The following STMN2 variants were observed in gnomAD, a reference collection of about 807,000 sequenced individuals.
The protein encoded by STMN2 is stathmin 2.
STMN2 carries 2 observed loss-of-function variants against 24.1 expected under a neutral mutation model. That is an observed-to-expected ratio of 0.08 (90% CI 0.03 to 0.26). STMN2 has a LOEUF of 0.26. Ranked by LOEUF, STMN2 falls within the 10% of genes least tolerant of loss-of-function variation. The pLI, the probability that STMN2 is intolerant of heterozygous loss-of-function variation, is 1.00. For synonymous variants in STMN2, 83 were observed against 77.5 expected, an observed-to-expected ratio of 1.07 and a Z score of -0.37; for missense variants, 114 against 213.6, an observed-to-expected ratio of 0.53 and a Z score of 2.91.
chr8:79,660,788 C>T (rs1585914215), intron 4 of STMN2, among the ~76,000 whole-genome samples: 4 of 151,926 alleles, frequency 2.6e-5, no homozygotes, highest in African/African-American at 7.2e-5. Context: ...TGTAGTCTTT[C>T]ATCCCTCGCC....
intron 3 of STMN2, among the ~76,000 whole-genome samples, chr8:79,652,124 G>A (rs376543032): frequency 2.6e-5 from 4 of 152,146 alleles, no homozygotes; most frequent in African/African-American, 9.7e-5. Context: ...TTTAAAGCAC[G>A]GCACTTAGAG....
chr8:79,620,165 T>TTA (rs1259184404), intron 1 of STMN2, among the ~76,000 whole-genome samples: 3 of 147,944 alleles, frequency 2.0e-5, no homozygotes, highest in African/African-American at 4.9e-5. Flanking sequence ...CTAATATATA[T>TTA]TATATATATA....
At chr8:79,631,571 T>C in intron 1 of STMN2, 1 of 646,086 alleles carries the variant, frequency 1.5e-6, no homozygotes, top group Non-Finnish European at 1.9e-6. Context: ...TTCTTTTTCT[T>C]TTTAAAGTTA....
chr8:79,664,706 A>T, intron 4 of STMN2, 109 bp from the exon 5 acceptor site: 1 of 972,876 alleles, frequency 1.0e-6, no homozygotes. Context: ...AATGGGAAAA[A>T]TTCATAAAAG....
At chr8:79,625,844 G>A (rs895982564) in intron 1 of STMN2, among the ~76,000 whole-genome samples, 1 of 152,120 alleles carries the variant, frequency 6.6e-6, no homozygotes, top group Admixed American at 6.6e-5. Flanking sequence ...TGTAATCCCA[G>A]CTACTTGGGA....
At chr8:79,642,160 T>C (rs1327542563) in intron 3 of STMN2, among the ~76,000 whole-genome samples, 1 of 152,216 alleles carries the variant, frequency 6.6e-6, no homozygotes, top group Non-Finnish European at 1.5e-5. Context: ...TCTTTGAATA[T>C]GTTCTTTATC....
chr8:79,616,899 G>A (rs781392795), intron 1 of STMN2, among the ~76,000 whole-genome samples: 1 of 151,900 alleles, frequency 6.6e-6, no homozygotes, highest in Non-Finnish European at 1.5e-5. Context: ...GCGTGTGTGC[G>A]AGAGAGAGAG....
intron 1 of STMN2, among the ~76,000 whole-genome samples, chr8:79,631,847 A>G (rs947409826): frequency 2.6e-5 from 4 of 152,166 alleles, no homozygotes; most frequent in Admixed American, 2.6e-4. Context: ...AATTATCACC[A>G]GGGGCTTAAT....
chr8:79,625,786 T>C (rs566501156), intron 1 of STMN2, among the ~76,000 whole-genome samples: 2 of 152,046 alleles, frequency 1.3e-5, no homozygotes, highest in South Asian at 4.2e-4. Flanking sequence ...GGTGAAACCC[T>C]GTCTCTACTA....
chr8:79,642,417 A>G (rs1810119892), intron 3 of STMN2, among the ~76,000 whole-genome samples: 1 of 152,222 alleles, frequency 6.6e-6, no homozygotes. Context: ...TCATCCAAAA[A>G]TGGAATTCTT....
intron 1 of STMN2, among the ~76,000 whole-genome samples, chr8:79,620,603 G>A (rs1020437217): frequency 2.0e-5 from 3 of 152,066 alleles, no homozygotes; most frequent in Non-Finnish European, 4.4e-5. Flanking sequence ...ATAAATGGAA[G>A]TCACCATCTC....
chr8:79,618,936 A>T (rs532386155), intron 1 of STMN2, among the ~76,000 whole-genome samples: 1 of 152,298 alleles, frequency 6.6e-6, no homozygotes, highest in South Asian at 2.1e-4. Context: ...CCAGAGTAAA[A>T]TATTTAATAC....
At chr8:79,661,887 A>G (rs1318426458) in intron 4 of STMN2, among the ~76,000 whole-genome samples, 1 of 152,120 alleles carries the variant, frequency 6.6e-6, no homozygotes, top group Non-Finnish European at 1.5e-5. Context: ...CCTTTTTTAT[A>G]TTGCAAGTGC....
chr8:79,626,722 C>A (rs2130321020), intron 1 of STMN2, among the ~76,000 whole-genome samples: 1 of 152,266 alleles, frequency 6.6e-6, no homozygotes, highest in East Asian at 1.9e-4. Flanking sequence ...ATTTATGGAA[C>A]ACCTGCTAAC....
At chr8:79,649,106 T>A (rs1318101072) in intron 3 of STMN2, among the ~76,000 whole-genome samples, 1 of 152,186 alleles carries the variant, frequency 6.6e-6, no homozygotes, top group Non-Finnish European at 1.5e-5. Flanking sequence ...ATGATAGACT[T>A]ACCTTTTCCA....
Position 79,664,936 on chromosome 8 carries a change from T to C in STMN2, c.*62T>C. The C allele has an allele frequency of 1.4e-6, 2 of 1,442,762 alleles. No homozygotes were observed. The highest frequency in any genetic ancestry group is 3.8e-5 in the Admixed American group (2 of 52,402). 89.4% of individuals were successfully genotyped at this position (1,442,762 alleles called of 1,614,324 possible). A position where few individuals can be genotyped will look rare whatever the true frequency, so the allele number is the denominator to read the frequency against. On this transcript the variant is annotated 3_prime_UTR_variant, in exon 5 of 5. Coordinates refer to ENST00000220876, the MANE Select transcript of STMN2 (RefSeq NM_007029.4). ...ATCCCCCTGCCTATATTATAATGGA[T>C]CATGCGATATCAGGATGGGGAATGT...
chr8:79,613,469 C>T, intron 1 of STMN2: 1 of 985,498 alleles, frequency 1.0e-6, no homozygotes, highest in Non-Finnish European at 1.2e-6. Flanking sequence ...TTCCACAATT[C>T]GCAGTTCACT....
intron 3 of STMN2, among the ~76,000 whole-genome samples, chr8:79,646,926 G>A (rs904904292): frequency 1.3e-5 from 2 of 152,134 alleles, no homozygotes; most frequent in African/African-American, 4.8e-5. Context: ...CAGAGCAGTG[G>A]GTAGACTAAG....
At chr8:79,623,790 A>T (rs1166003825) in intron 1 of STMN2, among the ~76,000 whole-genome samples, 1 of 152,224 alleles carries the variant, frequency 6.6e-6, no homozygotes, top group African/African-American at 2.4e-5. Flanking sequence ...TTTAAAAAAA[A>T]AAATAAACTC....
Sources: allele counts gnomAD v4.1 joint callset (sites outside exome capture counted in the v4.1 genomes callset), GRCh38; gene constraint gnomAD v4.1.1; transcripts MANE v1.5; gene names NCBI Gene and HGNC (gene_info 2026-07-23, HGNC 2026-07-21).